ADARB2: variants seen among roughly 807,000 people sequenced by gnomAD.
ADARB2 encodes inactive double-stranded RNA-specific editase B2.
A neutral mutation model predicts 62.2 loss-of-function variants in ADARB2; 25 were observed. The observed-to-expected ratio is 0.40, with a 90% CI of 0.29 to 0.56. The LOEUF (loss-of-function observed/expected upper bound fraction) is 0.56, where lower values mean the gene tolerates loss of function less well. Ranked by LOEUF, ADARB2 falls within the 20% of genes least tolerant of loss-of-function variation. The pLI is 0.43. For missense variants in ADARB2, 1,071 were observed against 1,077.4 expected, an observed-to-expected ratio of 0.99 and a Z score of 0.08; for synonymous variants, 572 against 500.8, an observed-to-expected ratio of 1.14 and a Z score of -1.90.
intron 1 of ADARB2, among the ~76,000 whole-genome samples, chr10:1,731,122 T>C (rs962607902): frequency 2.6e-5 from 4 of 152,162 alleles, no homozygotes; most frequent in Non-Finnish European, 4.4e-5. Flanking sequence ...TGGAGGGAGA[T>C]TGTGGATCTC....
chr10:1,363,307 C>A lies in ADARB2; in HGVS notation c.798G>T (p.Pro266=), dbSNP rs1832279034. 4.1e-6 allele frequency: 5 copies of A among 1,231,466 alleles called. No homozygotes were observed. Among genetic ancestry groups the A allele is most frequent in the Admixed American group, 4.4e-5 (1 of 22,976 alleles). 76.3% of individuals were successfully genotyped at this position (1,231,466 alleles called of 1,614,324 possible). The change falls in exon 3 of 10, where the codon CCG becomes CCT. Residue 266 remains proline (P), a synonymous_variant. Coordinates refer to ENST00000381312, the MANE Select transcript of ADARB2 (RefSeq NM_018702.4). The part of the protein sequence containing the change: ...LLCRALDLVG[P]TPATPAAPGE... ...CCGGGGCCGCGGGGGTGGCGGGGGT[C>A]GGGCCCACCAGGTCCAGCGCGCGGC...
At chr10:1,526,797 C>A (rs1040725636) in intron 1 of ADARB2, 1 of 510,710 alleles carries the variant, frequency 2.0e-6, no homozygotes, top group Non-Finnish European at 4.1e-6. Flanking sequence ...CCCGCCTCCT[C>A]CTGGCACCTC....
At chr10:1,394,870 C>A (rs1011769151) in intron 1 of ADARB2, 4 of 457,152 alleles carry the variant, frequency 8.7e-6, no homozygotes, top group Non-Finnish European at 1.8e-5. Flanking sequence ...GTGCACAGGT[C>A]ATTTTTTCTT....
chr10:1,493,729 C>CTTTTTTTTTTTTTTTTTTTTTTTTT (rs555812632), intron 1 of ADARB2, among the ~76,000 whole-genome samples: 1 of 56,812 alleles, frequency 1.8e-5, no homozygotes, highest in Non-Finnish European at 3.1e-5. Context: ...ATATGGCATT[C>CTTTTTTTTTTTTTTTTTTTTTTTTT]TTTTTTTTTT....
chr10:1,240,363 TCCCCTG>T (rs1391357732), intron 5 of ADARB2: 1 of 153,244 alleles, frequency 6.5e-6, no homozygotes. Context: ...TGGTGTTTAC[TCCCCTG>T]CTTCCTGGCC....
At chr10:1,451,746 C>T (rs572216543) in intron 1 of ADARB2, among the ~76,000 whole-genome samples, 5 of 152,140 alleles carry the variant, frequency 3.3e-5, no homozygotes, top group South Asian at 2.1e-4. Flanking sequence ...GAAGTATACC[C>T]GTATGAGGAG....
At chr10:1,341,939 A>G (rs1012390479) in intron 3 of ADARB2, among the ~76,000 whole-genome samples, 7 of 152,230 alleles carry the variant, frequency 4.6e-5, no homozygotes, top group African/African-American at 1.7e-4. Context: ...CTCTTTTGTG[A>G]TAACTTTTTC....
At chr10:1,519,985 G>C (rs1832053800) in intron 1 of ADARB2, among the ~76,000 whole-genome samples, 2 of 152,206 alleles carry the variant, frequency 1.3e-5, no homozygotes, top group Admixed American at 1.3e-4. Context: ...CCTCTAGAAT[G>C]AGTCCCTTGC....
At chr10:1,460,157 G>C (rs1831153909) in intron 1 of ADARB2, among the ~76,000 whole-genome samples, 1 of 36,586 alleles carries the variant, frequency 2.7e-5, no homozygotes, top group Admixed American at 2.9e-4. Flanking sequence ...TAACGAACCT[G>C]CCTGTGACCT....
chr10:1,194,787 C>A (rs1384716111), intron 8 of ADARB2, among the ~76,000 whole-genome samples: 1 of 152,128 alleles, frequency 6.6e-6, no homozygotes. Flanking sequence ...TTCCATCTTG[C>A]TTTAGAAAAT....
chr10:1,363,013 C>T lies in ADARB2; in HGVS notation c.1077+15G>A, dbSNP rs764732081. 9.0e-6 allele frequency: 12 copies of T among 1,335,412 alleles called. No individual in the cohort carries two copies. The highest frequency in any genetic ancestry group is 2.0e-5 in the South Asian group (1 of 50,832). The allele number at this position is 1,335,412 out of a possible 1,614,324, so 82.7% of individuals were successfully genotyped here. The stretch of plus-strand genomic sequence containing the variant: ...CAGCGCCGCCCGTTCCCCCTGCACC[C>T]GCCGCGCCCCTCACCTGCGGCATTG... On this transcript the variant is annotated intron_variant, in intron 3 of 9. Transcript: ENST00000381312.
intron 1 of ADARB2, chr10:1,674,963 ATTC>A (rs1834443371): frequency 2.2e-6 from 1 of 464,234 alleles, no homozygotes; most frequent in Non-Finnish European, 2.4e-6. Flanking sequence ...GTACACGGAT[ATTC>A]TGGAGGTTTG....
chr10:1,504,528 G>T (rs1236323507), intron 1 of ADARB2, among the ~76,000 whole-genome samples: 4 of 152,214 alleles, frequency 2.6e-5, no homozygotes, highest in Non-Finnish European at 5.9e-5. Context: ...GACTCGGCTG[G>T]CTGTGCACTG....
At chr10:1,548,927 G>A (rs1832568200) in intron 1 of ADARB2, among the ~76,000 whole-genome samples, 1 of 152,200 alleles carries the variant, frequency 6.6e-6, no homozygotes, top group African/African-American at 2.4e-5. Context: ...GCAGGAATGA[G>A]GGTGGGCTGT....
At chr10:1,327,141 AC>A (rs1831867070) in intron 3 of ADARB2, among the ~76,000 whole-genome samples, 1 of 77,924 alleles carries the variant, frequency 1.3e-5, no homozygotes, top group African/African-American at 4.7e-5. Context: ...GCGCCTCCTC[AC>A]TGCACAGTGC....
At chr10:1,269,660 C>T (rs1287641377) in intron 4 of ADARB2, among the ~76,000 whole-genome samples, 3 of 151,994 alleles carry the variant, frequency 2.0e-5, no homozygotes, top group Non-Finnish European at 2.9e-5. Context: ...GGATGATGCT[C>T]TTGGCCTGCC....
At position 1,182,084 on chromosome 10, in the gene ADARB2, G is replaced by A. The variant is rs1011688610; in HGVS notation, c.*1109C>T. On this transcript the variant is annotated 3_prime_UTR_variant, in exon 10 of 10. Transcript: ENST00000381312. ...CTTTTTTGGGGTCTTGTCCTGCAAG[G>A]TGTTGATTGGAGAATCTGAAAGAAT... 1 of 152,240 alleles carries A rather than the reference G, an allele frequency of 6.6e-6. No individual in the cohort carries two copies. Among genetic ancestry groups the A allele is most frequent in the African/African-American group, 2.4e-5 (1 of 41,452 alleles). 9.4% of individuals were successfully genotyped at this position (152,240 alleles called of 1,614,324 possible).
At chr10:1,273,131 G>T (rs1831278909) in intron 3 of ADARB2, among the ~76,000 whole-genome samples, 2 of 152,246 alleles carry the variant, frequency 1.3e-5, no homozygotes, top group Admixed American at 1.3e-4. Context: ...TCCTTAACTT[G>T]AGGATATCTG....
At chr10:1,665,660 A>G (rs1834306865) in intron 1 of ADARB2, among the ~76,000 whole-genome samples, 1 of 152,244 alleles carries the variant, frequency 6.6e-6, no homozygotes, top group Non-Finnish European at 1.5e-5. Flanking sequence ...GAGGCAGCTC[A>G]GGGAAATCCA....
Sources: allele counts gnomAD v4.1 joint callset (sites outside exome capture counted in the v4.1 genomes callset), GRCh38; gene constraint gnomAD v4.1.1; transcripts MANE v1.5; gene names NCBI Gene and HGNC (gene_info 2026-07-23, HGNC 2026-07-21).